Variants in ARMC3 observed in about 807,000 individuals in gnomAD.
ARMC3 encodes armadillo repeat containing 3.
ARMC3 carries 74 observed loss-of-function variants against 90.3 expected under a neutral mutation model. The observed-to-expected ratio is 0.82, with a 90% CI of 0.68 to 0.99. ARMC3 has a LOEUF of 0.99. ARMC3 is among the 50% of genes least tolerant of loss of function. The pLI, the probability that ARMC3 is intolerant of heterozygous loss-of-function variation, is 0.00. For synonymous variants in ARMC3, 334 were observed against 361.8 expected (o/e 0.92, Z 0.87); for missense variants, 958 against 1,042.8 (o/e 0.92, Z 1.12).
At chr10:22,931,378 AT>A (rs933943113) in intron 1 of ARMC3, among the ~76,000 whole-genome samples, 1 of 152,194 alleles carries the variant, frequency 6.6e-6, no homozygotes, top group Non-Finnish European at 1.5e-5. Context: ...ATCTCTTCAG[AT>A]TTTTTAATTG....
rs911896510 is a variant in ARMC3 at position 23,000,957 on chromosome 10, G to A, written c.1426-962G>A. Among the ~76,000 whole-genome samples, 43 of 152,020 alleles carry A rather than the reference G, an allele frequency of 2.8e-4. 1 individual carries two copies. Among genetic ancestry groups the A allele is most frequent in the Non-Finnish European group, 4.4e-5 (3 of 68,006 alleles). ...GATTGGAATAATTTTATACACGAGT[G>A]ATGTCTTTTAATAATGTAATTAATG... On this transcript the variant is annotated intron_variant, in intron 11 of 18. Transcript: ENST00000298032.
At chr10:22,968,155 T>C (rs1209128278) in intron 7 of ARMC3, 151 bp from the exon 8 acceptor site, 1 of 646,794 alleles carries the variant, frequency 1.5e-6, no homozygotes, top group South Asian at 2.0e-5. Context: ...TGATGTTACT[T>C]TGATAAGCAG....
intron 16 of ARMC3, among the ~76,000 whole-genome samples, chr10:23,029,996 GT>G (rs1838859083): frequency 1.3e-5 from 2 of 152,220 alleles, no homozygotes; most frequent in South Asian, 4.1e-4. Context: ...CAACCTAATT[GT>G]TTCCAATTCA....
chr10:22,968,624 T>C (rs894907537), intron 8 of ARMC3, 135 bp downstream of exon 8: 2 of 755,736 alleles, frequency 2.6e-6, no homozygotes, highest in African/African-American at 3.6e-5. Flanking sequence ...ACCTCAGCCT[T>C]CCTAGTAGCT....
At chr10:22,998,893 G>C (rs1837150200) in intron 11 of ARMC3, among the ~76,000 whole-genome samples, 1 of 152,176 alleles carries the variant, frequency 6.6e-6, no homozygotes. Flanking sequence ...AGTATGCAAA[G>C]CTAAGCACTA....
intron 17 of ARMC3, chr10:23,031,092 C>A (rs1248582197): frequency 7.4e-6 from 2 of 271,254 alleles, no homozygotes; most frequent in Admixed American, 9.6e-5. Context: ...ATGAATGAAT[C>A]AAAAGTTTGA....
intron 10 of ARMC3, among the ~76,000 whole-genome samples, chr10:22,991,332 C>T (rs1267314147): frequency 6.6e-6 from 1 of 152,146 alleles, no homozygotes; most frequent in South Asian, 2.1e-4. Flanking sequence ...CACAGGGAGT[C>T]TGGAATCCAG....
chr10:23,037,750 G>C lies in ARMC3; in HGVS notation c.*271G>C. The C allele has an allele frequency of 3.1e-6, 1 of 321,082 alleles. No homozygotes were observed. Among genetic ancestry groups the C allele is most frequent in the Non-Finnish European group, 5.8e-6 (1 of 173,730 alleles). 19.9% of individuals were successfully genotyped at this position (321,082 alleles called of 1,614,324 possible). On this transcript the variant is annotated 3_prime_UTR_variant, in exon 19 of 19. Transcript: ENST00000298032. ...GTTGTCGAAATTCATCCAGCCCACT[G>C]TGTCCTGAGGAGCGTCTCTGTCATT...
intron 10 of ARMC3, among the ~76,000 whole-genome samples, chr10:22,993,865 AT>A (rs1017601160): frequency 6.6e-6 from 1 of 152,146 alleles, no homozygotes; most frequent in Non-Finnish European, 1.5e-5. Flanking sequence ...ATCGCACAAT[AT>A]TTTTAGTGAG....
At chr10:22,998,480 T>G in intron 11 of ARMC3, 83 bp downstream of exon 11, 1 of 1,506,052 alleles carries the variant, frequency 6.6e-7, no homozygotes. Context: ...TTTAAGTGAT[T>G]GAACCTACCT....
chr10:23,026,634 A>G (rs1406055525), intron 16 of ARMC3, among the ~76,000 whole-genome samples: 2 of 152,200 alleles, frequency 1.3e-5, no homozygotes, highest in African/African-American at 2.4e-5. Context: ...AAAATAATCT[A>G]CAGATCACAT....
chr10:23,007,080 T>G, intron 14 of ARMC3, 99 bp downstream of exon 14: 6 of 974,752 alleles, frequency 6.2e-6, no homozygotes, highest in Non-Finnish European at 9.1e-6. Flanking sequence ...CCCAGACCCT[T>G]TTCTCCTGTA....
chr10:22,967,662 C>T (rs1398868046), intron 7 of ARMC3, among the ~76,000 whole-genome samples: 1 of 152,154 alleles, frequency 6.6e-6, no homozygotes, highest in African/African-American at 2.4e-5. Flanking sequence ...TTCAAAAGGC[C>T]ATTCTATCAA....
chr10:22,962,925 T>C (rs1413034015), intron 7 of ARMC3, among the ~76,000 whole-genome samples: 1 of 152,194 alleles, frequency 6.6e-6, no homozygotes, highest in African/African-American at 2.4e-5. Flanking sequence ...GGATCCCATA[T>C]GTGATCCCCT....
In ARMC3 at chr10:22,998,290, A is replaced by C. The variant is rs1837097237; in HGVS notation, c.1318A>C (p.Ile440Leu). Residue 440 changes from isoleucine to leucine, a missense_variant, in exon 11 of 19, where the codon ATC becomes CTC. Transcript: ENST00000298032. ...PLRLNIQNHD[I>L]MHAIISPLRS... ...GCGCCTGAACATACAGAATCACGAC[A>C]TCATGCATGCCATCATCAGCCCACT... is the stretch of plus-strand genomic sequence containing the variant. The C allele has an allele frequency of 1.2e-6, 2 of 1,612,768 alleles. No homozygotes were observed. The highest frequency in any genetic ancestry group is 1.7e-4 in the Middle Eastern group (1 of 6,060).
chr10:23,002,631 C>T (rs1339229432), intron 12 of ARMC3, among the ~76,000 whole-genome samples: 4 of 147,192 alleles, frequency 2.7e-5, no homozygotes, highest in Non-Finnish European at 5.9e-5. Context: ...GGCAGAGTCT[C>T]GCTCTGTTGC....
intron 10 of ARMC3, among the ~76,000 whole-genome samples, chr10:22,994,270 G>T (rs1039473858): frequency 6.6e-6 from 1 of 152,098 alleles, no homozygotes; most frequent in Admixed American, 6.5e-5. Flanking sequence ...GTGGGAAAGA[G>T]CCTGGCATAT....
intron 8 of ARMC3, among the ~76,000 whole-genome samples, chr10:22,973,139 T>A (rs1042627456): frequency 1.3e-5 from 2 of 151,462 alleles, no homozygotes; most frequent in East Asian, 1.9e-4. Context: ...CTACATAAAA[T>A]TTTTTTTAAA....
intron 3 of ARMC3, among the ~76,000 whole-genome samples, chr10:22,949,291 C>T (rs185861578): frequency 7.9e-5 from 12 of 151,876 alleles, no homozygotes; most frequent in African/African-American, 2.4e-4. Flanking sequence ...GCAGAAAAAA[C>T]GCATAATAAG....
Sources: allele counts gnomAD v4.1 joint callset (sites outside exome capture counted in the v4.1 genomes callset), GRCh38; gene constraint gnomAD v4.1.1; transcripts MANE v1.5; gene names NCBI Gene and HGNC (gene_info 2026-07-23, HGNC 2026-07-21).